SEPTIN7: variants seen among roughly 807,000 people sequenced by gnomAD.
SEPTIN7 encodes the protein septin-7.
SEPTIN7 carries 10 observed loss-of-function variants against 63.3 expected under a neutral mutation model. The observed-to-expected ratio is 0.16, with a 90% CI of 0.10 to 0.27. SEPTIN7 has a LOEUF of 0.27. SEPTIN7 is among the 10% of genes least tolerant of loss of function. The probability of loss-of-function intolerance (pLI) is 1.00; values close to 1 mark genes in which losing one functional copy is unlikely to be tolerated. For missense variants in SEPTIN7, 310 were observed against 521.0 expected (o/e 0.59, Z 3.94); for synonymous variants, 131 against 165.3 (o/e 0.79, Z 1.59).
intron 3 of SEPTIN7, among the ~76,000 whole-genome samples, chr7:35,854,481 C>T (rs553866070): frequency 2.0e-4 from 31 of 152,204 alleles, no homozygotes; most frequent in Non-Finnish European, 3.4e-4. Context: ...TGCTGCCAAG[C>T]ATCCTTCAAT....
At chr7:35,821,221 A>G (rs1338496234) in intron 1 of SEPTIN7, among the ~76,000 whole-genome samples, 1 of 152,230 alleles carries the variant, frequency 6.6e-6, no homozygotes, top group African/African-American at 2.4e-5. Flanking sequence ...TTGAATCAGC[A>G]TTACCTGGAT....
Position 35,889,485 on chromosome 7 carries a change from T to G in SEPTIN7, c.873-1183T>G, listed in dbSNP as rs1583632510. Among the ~76,000 whole-genome samples the G allele has an allele frequency of 1.3e-5, 2 of 152,330 alleles. 1 individual carries two copies. The highest frequency in any genetic ancestry group is 4.1e-4 in the South Asian group (2 of 4,832). On this transcript the variant is annotated intron_variant, in intron 10 of 13. Coordinates refer to ENST00000350320, the MANE Select transcript of SEPTIN7 (RefSeq NM_001788.6). ...AAAGGGGGAGATTCAAGAAGCTGGA[T>G]TGTGAAGTAACAGTAAAGGTTCTCT...
At chr7:35,809,842 G>C (rs1788582857) in intron 1 of SEPTIN7, among the ~76,000 whole-genome samples, 1 of 152,226 alleles carries the variant, frequency 6.6e-6, no homozygotes, top group African/African-American at 2.4e-5. Flanking sequence ...GTTGAGAGTT[G>C]ACAGGGCACC....
intron 3 of SEPTIN7, among the ~76,000 whole-genome samples, chr7:35,838,013 G>A (rs1360046200): frequency 6.6e-6 from 1 of 152,098 alleles, no homozygotes; most frequent in Admixed American, 6.6e-5. Flanking sequence ...ACAGGTGTGA[G>A]CCACCACACC....
intron 12 of SEPTIN7, 171 bp downstream of exon 12, chr7:35,898,554 A>AAT: frequency 2.0e-6 from 1 of 510,972 alleles, no homozygotes; most frequent in Non-Finnish European, 3.6e-6. Flanking sequence ...TTTATAATAA[A>AAT]ATAATACATA....
intron 11 of SEPTIN7, among the ~76,000 whole-genome samples, chr7:35,896,370 T>C (rs957252465): frequency 1.3e-5 from 2 of 152,194 alleles, no homozygotes; most frequent in African/African-American, 4.8e-5. Flanking sequence ...TGTTTTTAGA[T>C]TGTTTCTTTT....
In SEPTIN7 at chr7:35,882,071, G is replaced by A. The variant is rs556270367; in HGVS notation, c.631-413G>A. On this transcript the variant is annotated intron_variant, in intron 7 of 13. Coordinates refer to ENST00000350320, the MANE Select transcript of SEPTIN7 (RefSeq NM_001788.6). ...TGCCAGATTCTACTAAAAATTTTAC[G>A]TGAGTTTAGCCCTGTTTATTCAACT... Among the ~76,000 whole-genome samples the A allele has an allele frequency of 5.3e-5, 8 of 151,972 alleles. No individual in the cohort carries two copies. In the South Asian group the frequency reaches 6.2e-4, roughly 12 times the overall value.
chr7:35,856,570 T>G lies in SEPTIN7; in HGVS notation c.170-6982T>G, dbSNP rs188987761. Among the ~76,000 whole-genome samples the G allele has an allele frequency of 4.3e-4, 66 of 152,324 alleles. 2 individuals carry two copies. The highest frequency in any genetic ancestry group is 1.6e-3 in the African/African-American group (65 of 41,584). On this transcript the variant is annotated intron_variant, in intron 3 of 13. Transcript: ENST00000350320. ...CAGCTTTTTACTTCTTAGAATGGAG[T>G]GGCGACTTCCAAGCTCCTTATGTAT...
chr7:35,823,395 T>G (rs1783332542), intron 1 of SEPTIN7, among the ~76,000 whole-genome samples: 1 of 152,236 alleles, frequency 6.6e-6, no homozygotes, highest in Non-Finnish European at 1.5e-5. Flanking sequence ...GAGATGGGGT[T>G]TCTCTATGTT....
At chr7:35,915,138 T>C in the SEPTIN7 span, among the ~76,000 whole-genome samples, 1 of 152,098 alleles carries the variant, frequency 6.6e-6, no homozygotes, top group Non-Finnish European at 1.5e-5. Flanking sequence ...TATACATGCA[T>C]ATACACATGT....
At chr7:35,858,224 CATT>C (rs1255709568) in intron 3 of SEPTIN7, among the ~76,000 whole-genome samples, 1 of 152,176 alleles carries the variant, frequency 6.6e-6, no homozygotes, top group African/African-American at 2.4e-5. Flanking sequence ...AGATTACAGG[CATT>C]AGCCACCACG....
At chr7:35,833,482 T>C (rs913763393) in intron 3 of SEPTIN7, among the ~76,000 whole-genome samples, 2 of 152,016 alleles carry the variant, frequency 1.3e-5, no homozygotes, top group African/African-American at 4.8e-5. Flanking sequence ...CTGTTAAGGA[T>C]AATTTTGACT....
chr7:35,852,811 A>G (rs891348101), intron 3 of SEPTIN7, among the ~76,000 whole-genome samples: 18 of 152,316 alleles, frequency 1.2e-4, no homozygotes, highest in African/African-American at 3.6e-4. Context: ...AGTCAATACA[A>G]TAACCTACAA....
chr7:35,844,451 A>G (rs1583550673), intron 3 of SEPTIN7, among the ~76,000 whole-genome samples: 2 of 152,328 alleles, frequency 1.3e-5, no homozygotes, highest in South Asian at 2.1e-4. Flanking sequence ...ATTTAACTTT[A>G]TATCTACTTT....
intron 3 of SEPTIN7, among the ~76,000 whole-genome samples, chr7:35,848,211 A>G (rs1784783029): frequency 6.6e-6 from 1 of 152,224 alleles, no homozygotes; most frequent in Non-Finnish European, 1.5e-5. Flanking sequence ...GGCCCAAAAT[A>G]GAAATTAGAG....
chr7:35,832,180 G>A (rs1241662846), intron 2 of SEPTIN7: 1 of 443,322 alleles, frequency 2.3e-6, no homozygotes, highest in African/African-American at 2.0e-5. Context: ...GGATAAACCT[G>A]AAGATAAAGG....
chr7:35,876,977 A>G (rs73324347), intron 6 of SEPTIN7, among the ~76,000 whole-genome samples: 37 of 152,156 alleles, frequency 2.4e-4, no homozygotes, highest in East Asian at 2.3e-3. Context: ...AAAGAAAAAA[A>G]AATTAGCTGG....
the SEPTIN7 span, among the ~76,000 whole-genome samples, chr7:35,915,135 G>GTGTA: frequency 3.8e-5 from 5 of 131,844 alleles, no homozygotes; most frequent in African/African-American, 8.4e-5. Context: ...ATATATACAT[G>GTGTA]CATATACACA....
At chr7:35,903,344 T>A (rs2727857) in intron 13 of SEPTIN7, 129 bp downstream of exon 13, 2 of 1,367,958 alleles carry the variant, frequency 1.5e-6, no homozygotes, top group East Asian at 2.7e-5. Context: ...CCAAACACAA[T>A]GGTTTTCATA....
Sources: allele counts gnomAD v4.1 joint callset (sites outside exome capture counted in the v4.1 genomes callset), GRCh38; gene constraint gnomAD v4.1.1; transcripts MANE v1.5; gene names NCBI Gene and HGNC (gene_info 2026-07-23, HGNC 2026-07-21).